RIGI: variants seen among roughly 807,000 people sequenced by gnomAD.
RIGI encodes the protein RNA sensor RIG-I, also known as antiviral innate immune response receptor RIG-I.
At chr9:32,497,893 C>T in the RIGI span, among the ~76,000 whole-genome samples, 1 of 152,162 alleles carries the variant, frequency 6.6e-6, no homozygotes, top group African/African-American at 2.4e-5. Flanking sequence ...CAATACTAAA[C>T]CTTATTCAAT....
chr9:32,492,686 C>T, the RIGI span: 2 of 816,474 alleles, frequency 2.4e-6, no homozygotes, highest in East Asian at 5.3e-5. Context: ...ACAATTTTTG[C>T]CCCATCCAAC....
At chr9:32,486,669 G>A in the RIGI span, among the ~76,000 whole-genome samples, 228 of 152,194 alleles carry the variant, frequency 1.5e-3, 1 homozygote, top group Non-Finnish European at 2.9e-3. Flanking sequence ...CAGACAAAAG[G>A]TGGGAGAGAG....
chr9:32,491,214 G>A, the RIGI span: 3 of 1,461,994 alleles, frequency 2.1e-6, no homozygotes, highest in Non-Finnish European at 2.8e-6. Flanking sequence ...TTTTCACAAG[G>A]CTGTGACTTT....
At chr9:32,502,452 C>T in the RIGI span, among the ~76,000 whole-genome samples, 7 of 152,242 alleles carry the variant, frequency 4.6e-5, no homozygotes, top group Non-Finnish European at 8.8e-5. Context: ...CAAGGAGCTG[C>T]ACCATCTTAC....
the RIGI span, chr9:32,459,368 T>A: frequency 6.2e-7 from 1 of 1,612,364 alleles, no homozygotes; most frequent in Non-Finnish European, 8.5e-7. Context: ...AAAGGCAGCT[T>A]ACCTCTATCA....
the RIGI span, chr9:32,491,498 T>G: frequency 1.7e-6 from 2 of 1,172,596 alleles, no homozygotes; most frequent in Non-Finnish European, 1.2e-6. Flanking sequence ...CACAAAATGG[T>G]CATAACACTA....
At chr9:32,499,348 T>C in the RIGI span, among the ~76,000 whole-genome samples, 2 of 144,164 alleles carry the variant, frequency 1.4e-5, no homozygotes, top group Non-Finnish European at 3.0e-5. Flanking sequence ...GCTTTCTTTA[T>C]AGTGTTTTTG....
the RIGI span, chr9:32,485,375 T>A: frequency 1.2e-6 from 1 of 855,884 alleles, no homozygotes; most frequent in Admixed American, 2.3e-5. Context: ...CTAAAACCTT[T>A]CTCTGCCTTT....
chr9:32,459,594 A>C, the RIGI span: 1 of 1,330,338 alleles, frequency 7.5e-7, no homozygotes, highest in South Asian at 1.4e-5. Flanking sequence ...CGTACAATAC[A>C]TATACATGCA....
the RIGI span, among the ~76,000 whole-genome samples, chr9:32,474,274 T>C: frequency 6.8e-6 from 1 of 148,134 alleles, no homozygotes; most frequent in African/African-American, 2.5e-5. Context: ...TACCTAGGTA[T>C]AAGTCTAACA....
At chr9:32,466,426 CT>C in the RIGI span, 5 of 1,611,008 alleles carry the variant, frequency 3.1e-6, no homozygotes, top group Non-Finnish European at 4.2e-6. Context: ...CTTGCTACCT[CT>C]TGCTCTTCCT....
At chr9:32,504,065 A>ACACACACACACACACC in the RIGI span, among the ~76,000 whole-genome samples, 3 of 151,320 alleles carry the variant, frequency 2.0e-5, no homozygotes, top group Non-Finnish European at 4.4e-5. Context: ...ACACACACAC[A>ACACACACACACACACC]CACCCAGGTC....
the RIGI span, chr9:32,476,853 C>A: frequency 1.3e-6 from 1 of 791,118 alleles, no homozygotes. Context: ...AACTCTTGGC[C>A]CCAAGCAATT....
chr9:32,517,858 T>C, the RIGI span, among the ~76,000 whole-genome samples: 1 of 152,168 alleles, frequency 6.6e-6, no homozygotes, highest in African/African-American at 2.4e-5. Context: ...GATAAACTGC[T>C]AAAAATAAAT....
At chr9:32,479,429 G>C in the RIGI span, among the ~76,000 whole-genome samples, 1 of 152,040 alleles carries the variant, frequency 6.6e-6, no homozygotes, top group African/African-American at 2.4e-5. Context: ...AATTACCTTT[G>C]GGAAAGAATT....
chr9:32,506,260 TGAAG>T, the RIGI span, among the ~76,000 whole-genome samples: 5 of 152,148 alleles, frequency 3.3e-5, no homozygotes, highest in Admixed American at 6.6e-5. Context: ...AATGAATCAA[TGAAG>T]GAAGGAATGA....
At chr9:32,489,301 G>A in the RIGI span, 2 of 1,413,158 alleles carry the variant, frequency 1.4e-6, no homozygotes, top group African/African-American at 1.4e-5. Flanking sequence ...GAAAAAAAAG[G>A]AAGCAAACAG....
chr9:32,459,780 T>A, the RIGI span, among the ~76,000 whole-genome samples: 13 of 152,334 alleles, frequency 8.5e-5, no homozygotes, highest in Admixed American at 7.2e-4. Context: ...AAGATGTCCA[T>A]AGAATAGTCA....
At chr9:32,492,351 G>A in the RIGI span, 25 of 1,607,784 alleles carry the variant, frequency 1.6e-5, no homozygotes, top group Non-Finnish European at 1.7e-5. Context: ...TGGAATGAGC[G>A]AGTCCTAAGT....
Sources: allele counts gnomAD v4.1 joint callset (sites outside exome capture counted in the v4.1 genomes callset), GRCh38; gene constraint gnomAD v4.1.1; transcripts MANE v1.5; gene names NCBI Gene and HGNC (gene_info 2026-07-23, HGNC 2026-07-21).